FLT3: variants seen among roughly 807,000 people sequenced by gnomAD.
The protein encoded by FLT3 is fms related receptor tyrosine kinase 3.
A neutral mutation model predicts 126.6 loss-of-function variants in FLT3; 46 were observed. The observed-to-expected ratio is 0.36, with a 90% CI of 0.29 to 0.46. The LOEUF (loss-of-function observed/expected upper bound fraction) is 0.46, where lower values mean the gene tolerates loss of function less well. FLT3 is among the 20% of genes least tolerant of loss of function. The pLI is 1.00. For missense variants in FLT3, 1,069 were observed against 1,190.3 expected (o/e 0.90, Z 1.50); for synonymous variants, 404 against 434.4 (o/e 0.93, Z 0.87).
At chr13:28,007,452 G>C (rs1871007364) in intron 23 of FLT3, among the ~76,000 whole-genome samples, 1 of 151,930 alleles carries the variant, frequency 6.6e-6, no homozygotes, top group African/African-American at 2.4e-5. Context: ...CCATTATGTT[G>C]CCCAGTCTGG....
chr13:28,051,030 G>T lies in FLT3; in HGVS notation c.615-808C>A, dbSNP rs1875405520. Among the ~76,000 whole-genome samples, 3 of 152,142 alleles carry T rather than the reference G, an allele frequency of 2.0e-5. No individual in the cohort carries two copies. The South Asian group carries it at 6.2e-4, about 31-fold the overall frequency. The stretch of plus-strand genomic sequence containing the variant: ...TTTAATCAGAATAGCAATCCTATAA[G>T]TATCTGTTGTCATCCGCATTCTTCT... On this transcript the variant is annotated intron_variant, in intron 5 of 23. Coordinates refer to ENST00000241453, the MANE Select transcript of FLT3 (RefSeq NM_004119.3).
intron 15 of FLT3, among the ~76,000 whole-genome samples, chr13:28,031,411 G>T (rs570509243): frequency 1.3e-5 from 2 of 152,216 alleles, no homozygotes; most frequent in South Asian, 4.2e-4. Context: ...AGTGCTGAGG[G>T]TTGTGAAAGA....
At position 28,024,029 on chromosome 13, in the gene FLT3, G is replaced by A. The variant is rs375472974; in HGVS notation, c.2291-552C>T. The stretch of plus-strand genomic sequence containing the variant: ...ACCCACCTGAGCCTCCCAAAGTGGT[G>A]GGATTACAGGCATGAGCCACTGTGC... On this transcript the variant is annotated intron_variant, in intron 18 of 23. Coordinates refer to ENST00000241453, the MANE Select transcript of FLT3 (RefSeq NM_004119.3). Among the ~76,000 whole-genome samples the A allele has an allele frequency of 4.3e-4, 66 of 152,150 alleles. No individual in the cohort carries two copies. The South Asian group carries it at 0.013, about 31-fold the overall frequency.
chr13:28,096,020 C>A (rs984109269), intron 1 of FLT3, among the ~76,000 whole-genome samples: 1 of 152,144 alleles, frequency 6.6e-6, no homozygotes, highest in Non-Finnish European at 1.5e-5. Flanking sequence ...AGAGCATTTT[C>A]TTTCCCATAA....
chr13:28,057,082 C>T (rs148281479), intron 4 of FLT3, among the ~76,000 whole-genome samples: 1 of 152,316 alleles, frequency 6.6e-6, no homozygotes, highest in East Asian at 1.9e-4. Flanking sequence ...CCCTGTCAGC[C>T]ATCTGCTACT....
intron 1 of FLT3, among the ~76,000 whole-genome samples, chr13:28,087,434 T>C (rs1379296679): frequency 6.6e-6 from 1 of 152,208 alleles, no homozygotes; most frequent in Non-Finnish European, 1.5e-5. Context: ...TCTTTTTTTC[T>C]CTGGATGCTT....
At chr13:28,095,488 A>C (rs1879393787) in intron 1 of FLT3, among the ~76,000 whole-genome samples, 1 of 151,996 alleles carries the variant, frequency 6.6e-6, no homozygotes, top group Non-Finnish European at 1.5e-5. Context: ...GTTGGCCAGG[A>C]TGGTCTTGAT....
intron 17 of FLT3, among the ~76,000 whole-genome samples, chr13:28,026,004 C>A (rs1045261889): frequency 4.6e-5 from 7 of 152,114 alleles, no homozygotes; most frequent in African/African-American, 1.7e-4. Flanking sequence ...CTCCAATAAA[C>A]AAATACCCTT....
Position 28,003,660 on chromosome 13 carries a change from T to C in FLT3, c.*392A>G. 1 of 254,898 alleles carries C rather than the reference T, an allele frequency of 3.9e-6. No individual in the cohort carries two copies. The highest frequency in any genetic ancestry group is 7.7e-6 in the Non-Finnish European group (1 of 129,730). The allele number at this position is 254,898 out of a possible 1,614,324, so 15.8% of individuals were successfully genotyped here. ...CCCACCCATAAAATATATCACTAAA[T>C]AGCTGAAAAATTTACATATTATTTT... On this transcript the variant is annotated 3_prime_UTR_variant, in exon 24 of 24. Transcript: ENST00000241453.
At chr13:28,037,918 A>G (rs1873992775) in intron 9 of FLT3, among the ~76,000 whole-genome samples, 1 of 152,194 alleles carries the variant, frequency 6.6e-6, no homozygotes, top group African/African-American at 2.4e-5. Context: ...CTAATCCCCG[A>G]TGATCTGAGA....
chr13:28,071,877 TG>T (rs1350683722), intron 1 of FLT3, among the ~76,000 whole-genome samples: 1 of 152,100 alleles, frequency 6.6e-6, no homozygotes, highest in Non-Finnish European at 1.5e-5. Flanking sequence ...GATCTCGCTA[TG>T]TTGCACACAG....
At position 28,100,369 on chromosome 13, in the gene FLT3, C is replaced by A. The variant is rs1327623791; in HGVS notation, c.43+99G>T. 3.0e-5 allele frequency: 25 copies of A among 833,964 alleles called. No individual in the cohort carries two copies. In the South Asian group the frequency reaches 1.1e-3, roughly 36 times the overall value. 51.7% of individuals were successfully genotyped at this position (833,964 alleles called of 1,614,324 possible). On this transcript the variant is annotated intron_variant, in intron 1 of 23. Transcript: ENST00000241453. The surrounding 1 kb of genome is among the most constrained non-coding windows in gnomAD (Gnocchi z 4.8). The stretch of plus-strand genomic sequence containing the variant: ...TGGAAGGAGCGAGCGCGGGGAGGAG[C>A]GAGGCGGCTGGGCCGGAGGAGGCGC...
intron 3 of FLT3, among the ~76,000 whole-genome samples, chr13:28,059,506 C>G (rs1465935957): frequency 6.6e-6 from 1 of 152,122 alleles, no homozygotes; most frequent in African/African-American, 2.4e-5. Context: ...TGGATGAGAT[C>G]GATGTTCCTC....
chr13:28,031,183 G>C (rs2137664407), intron 15 of FLT3, among the ~76,000 whole-genome samples: 2 of 149,218 alleles, frequency 1.3e-5, no homozygotes, highest in Middle Eastern at 7.9e-3. Context: ...AGCTGAGATG[G>C]TGCCACTGCA....
intron 15 of FLT3, among the ~76,000 whole-genome samples, chr13:28,030,677 G>A (rs1873250313): frequency 1.3e-5 from 2 of 151,790 alleles, no homozygotes; most frequent in South Asian, 2.1e-4. Flanking sequence ...AAAGGCCCGG[G>A]CAAAATAGCA....
In FLT3 at chr13:28,035,553, C is replaced by A. The variant is rs547779728; in HGVS notation, c.1539G>T (p.Lys513Asn). Residue 513 changes from lysine to asparagine, a missense_variant, in exon 12 of 24, where the codon AAG becomes AAT. Lys to Asn is a moderately conservative substitution (Grantham distance 94). Coordinates refer to ENST00000241453, the MANE Select transcript of FLT3 (RefSeq NM_004119.3). The part of the protein sequence containing the change: ...MSEAIKGFLV[K>N]CCAYNSLGTS... ...TGCCAAGGGAATTGTATGCACAGCA[C>A]TTGACCAGGAACCCTTTTATGGCTT... 2 of 1,614,218 alleles carry A rather than the reference C, an allele frequency of 1.2e-6. No homozygotes were observed. Among genetic ancestry groups the A allele is most frequent in the South Asian group, 2.2e-5 (2 of 91,088 alleles).
chr13:28,086,246 T>C (rs1298448258), intron 1 of FLT3, among the ~76,000 whole-genome samples: 1 of 152,230 alleles, frequency 6.6e-6, no homozygotes, highest in East Asian at 1.9e-4. Flanking sequence ...TTATTAGCTA[T>C]AATGCTTTGT....
intron 1 of FLT3, among the ~76,000 whole-genome samples, chr13:28,085,185 A>G (rs903774011): frequency 1.3e-5 from 2 of 150,820 alleles, no homozygotes; most frequent in Non-Finnish European, 3.0e-5. Context: ...TCTACTAAAA[A>G]TACAAAAAAT....
chr13:28,029,356 C>T (rs1055281765), intron 15 of FLT3, among the ~76,000 whole-genome samples: 3 of 152,092 alleles, frequency 2.0e-5, no homozygotes, highest in Non-Finnish European at 4.4e-5. Flanking sequence ...TGAGCCCCTG[C>T]ACCACTCCAG....
Sources: gnomAD v4.1 joint callset for allele counts (sites outside exome capture counted in the v4.1 genomes callset) on GRCh38, gnomAD v4.1.1 for gene constraint, Gnocchi (gnomAD v3.1) non-coding constraint, MANE v1.5 for transcripts, NCBI Gene and HGNC (gene_info 2026-07-23, HGNC 2026-07-21) for gene names.